TIAM1: variants seen among roughly 807,000 people sequenced by gnomAD.
TIAM1 encodes the protein TIAM Rac1 associated GEF 1, also known as rho guanine nucleotide exchange factor TIAM1.
A neutral mutation model predicts 163.5 loss-of-function variants in TIAM1; 65 were observed. The observed-to-expected ratio is 0.40, with a 90% CI of 0.33 to 0.49. TIAM1 has a LOEUF of 0.49. TIAM1 is among the 20% of genes least tolerant of loss of function. TIAM1 has a pLI of 0.77. For missense variants in TIAM1, 1,789 were observed against 2,044.7 expected, an observed-to-expected ratio of 0.87 and a Z score of 2.41; for synonymous variants, 833 against 810.1, an observed-to-expected ratio of 1.03 and a Z score of -0.48.
At chr21:31,306,503 T>C (rs888504256) in intron 2 of TIAM1, among the ~76,000 whole-genome samples, 1 of 152,194 alleles carries the variant, frequency 6.6e-6, no homozygotes, top group Non-Finnish European at 1.5e-5. Flanking sequence ...CTGGCAATGC[T>C]GTCTTAACCA....
chr21:31,549,588 GA>G (rs1010552820), intron 1 of TIAM1, among the ~76,000 whole-genome samples: 7 of 152,178 alleles, frequency 4.6e-5, no homozygotes, highest in Admixed American at 3.9e-4. Context: ...ATTTATTGGA[GA>G]AATGCATATC....
chr21:31,202,482 CTT>C lies in TIAM1; in HGVS notation c.2493+424_2493+425del, dbSNP rs200294933. Among the ~76,000 whole-genome samples the C allele has an allele frequency of 5.9e-3, 903 of 152,292 alleles. 8 individuals are homozygous for C. The highest frequency in any genetic ancestry group is 0.019 in the African/African-American group (802 of 41,552). ...TCAGGAGGCTGGCACAGGAGGACCACTTAAGCCCAGTAGTTCAAGGTTGAGGT... is the reference window on the plus strand; with the variant it reads ...TCAGGAGGCTGGCACAGGAGGACCACAAGCCCAGTAGTTCAAGGTTGAGGT... On this transcript the variant is annotated intron_variant, in intron 12 of 27. Transcript: ENST00000541036.
At chr21:31,154,543 C>G (rs1247289505) in intron 16 of TIAM1, 117 bp from the exon 17 acceptor site, 2 of 1,061,514 alleles carry the variant, frequency 1.9e-6, no homozygotes, top group East Asian at 4.9e-5. Context: ...ATATGAATGT[C>G]GTCTTGTGTT....
intron 2 of TIAM1, among the ~76,000 whole-genome samples, chr21:31,335,819 T>C (rs925944291): frequency 7.2e-5 from 11 of 152,178 alleles, no homozygotes; most frequent in African/African-American, 2.7e-4. Context: ...GAGGTCAAGA[T>C]GTGTGGGAAC....
At chr21:31,531,683 T>A (rs2047975215) in intron 1 of TIAM1, among the ~76,000 whole-genome samples, 2 of 151,986 alleles carry the variant, frequency 1.3e-5, no homozygotes, top group South Asian at 4.2e-4. Context: ...TAATCTGCTT[T>A]TTTTTACTCA....
chr21:31,298,786 G>GA (rs922631791), intron 2 of TIAM1, among the ~76,000 whole-genome samples: 90 of 132,324 alleles, frequency 6.8e-4, no homozygotes, highest in African/African-American at 1.8e-3. Flanking sequence ...GAGAGAGAGA[G>GA]AAAAAAAAAC....
At chr21:31,127,278 A>T in intron 25 of TIAM1, 126 bp from the exon 26 acceptor site, 3 of 801,442 alleles carry the variant, frequency 3.7e-6, no homozygotes, top group Middle Eastern at 2.7e-4. Context: ...GATCAAAGAT[A>T]TTTTCCTACT....
chr21:31,162,503 C>T (rs2083976706), intron 16 of TIAM1, among the ~76,000 whole-genome samples: 2 of 152,148 alleles, frequency 1.3e-5, no homozygotes, highest in Non-Finnish European at 2.9e-5. Flanking sequence ...CAAAGCAAAA[C>T]CAGGAAGTAT....
At chr21:31,466,734 C>G (rs1032195474) in intron 1 of TIAM1, among the ~76,000 whole-genome samples, 1 of 152,188 alleles carries the variant, frequency 6.6e-6, no homozygotes, top group Non-Finnish European at 1.5e-5. Flanking sequence ...CCACATAACA[C>G]CTTCTAGTTT....
intron 2 of TIAM1, among the ~76,000 whole-genome samples, chr21:31,281,902 T>C (rs865980580): frequency 2.0e-5 from 3 of 152,072 alleles, no homozygotes; most frequent in Non-Finnish European, 4.4e-5. Flanking sequence ...TGGATGGATG[T>C]AGATGGATGG....
intron 1 of TIAM1, among the ~76,000 whole-genome samples, chr21:31,521,066 C>T (rs900802378): frequency 3.3e-5 from 5 of 152,226 alleles, no homozygotes; most frequent in African/African-American, 1.2e-4. Flanking sequence ...TTCACTCCAT[C>T]CATGCAGGCA....
chr21:31,483,237 A>C (rs1245744635), intron 1 of TIAM1, among the ~76,000 whole-genome samples: 1 of 152,312 alleles, frequency 6.6e-6, no homozygotes, highest in South Asian at 2.1e-4. Flanking sequence ...CCACCATGGG[A>C]TCAAGCACCC....
rs569480779 is a variant in TIAM1 at position 31,246,890 on chromosome 21, G to A, written c.1412-1230C>T. On this transcript the variant is annotated intron_variant, in intron 5 of 27. Transcript: ENST00000541036. Reference sequence around the variant, plus strand: ...CTCTGCTTACAAGTCCTTATTGCACGGTGCTGCTGAGCATCATGATTTCAT... The same window carrying A: ...CTCTGCTTACAAGTCCTTATTGCACAGTGCTGCTGAGCATCATGATTTCAT... 9.2e-5 allele frequency among the ~76,000 whole-genome samples: 14 copies of A among 152,154 alleles called. No individual in the cohort carries two copies. The South Asian group carries it at 1.0e-3, about 11-fold the overall frequency.
chr21:31,354,676 G>A (rs941392418), intron 2 of TIAM1, among the ~76,000 whole-genome samples: 9 of 152,204 alleles, frequency 5.9e-5, no homozygotes, highest in Non-Finnish European at 2.9e-5. Context: ...TGACTCACAA[G>A]GATGACACAG....
At chr21:31,459,961 C>T (rs1174857083) in intron 2 of TIAM1, among the ~76,000 whole-genome samples, 1 of 152,140 alleles carries the variant, frequency 6.6e-6, no homozygotes, top group East Asian at 1.9e-4. Flanking sequence ...CCTCAGGGTG[C>T]TTTTCCTCAT....
chr21:31,378,377 G>C (rs1409193254), intron 2 of TIAM1, among the ~76,000 whole-genome samples: 1 of 152,128 alleles, frequency 6.6e-6, no homozygotes, highest in Non-Finnish European at 1.5e-5. Context: ...CTTGATGTAT[G>C]TTATTTGCAA....
At chr21:31,127,368 T>C (rs2082240255) in intron 25 of TIAM1, among the ~76,000 whole-genome samples, 1 of 151,750 alleles carries the variant, frequency 6.6e-6, no homozygotes, top group Non-Finnish European at 1.5e-5. Flanking sequence ...TTCCAGTTGG[T>C]AAAATCTTCT....
chr21:31,431,680 A>G (rs2044033712), intron 2 of TIAM1, among the ~76,000 whole-genome samples: 2 of 152,258 alleles, frequency 1.3e-5, no homozygotes, highest in African/African-American at 4.8e-5. Context: ...TACGAACACT[A>G]GAGAGTGTAC....
chr21:31,180,927 C>A (rs2084983806), intron 15 of TIAM1, among the ~76,000 whole-genome samples: 1 of 152,174 alleles, frequency 6.6e-6, no homozygotes, highest in Non-Finnish European at 1.5e-5. Flanking sequence ...TCCAAGGAGC[C>A]AATGGACAAA....
Sources: gnomAD v4.1 joint callset for allele counts (sites outside exome capture counted in the v4.1 genomes callset) on GRCh38, gnomAD v4.1.1 for gene constraint, MANE v1.5 for transcripts, NCBI Gene and HGNC (gene_info 2026-07-23, HGNC 2026-07-21) for gene names.